CFAP43: variants seen among roughly 807,000 people sequenced by gnomAD.
CFAP43 encodes the protein cilia and flagella associated protein 43, also known as cilia- and flagella-associated protein 43.
In CFAP43, 155 loss-of-function variants were observed where a neutral mutation model predicts 218.9. That is an observed-to-expected ratio of 0.71 (90% CI 0.62 to 0.81). The LOEUF (loss-of-function observed/expected upper bound fraction) is 0.81, where lower values mean the gene tolerates loss of function less well. Ranked by LOEUF, CFAP43 falls within the 30% of genes least tolerant of loss-of-function variation. The pLI is 0.00. For missense variants in CFAP43, 1,778 were observed against 1,954.3 expected, an observed-to-expected ratio of 0.91 and a Z score of 1.70; for synonymous variants, 645 against 681.3, an observed-to-expected ratio of 0.95 and a Z score of 0.83.
intron 34 of CFAP43, among the ~76,000 whole-genome samples, chr10:104,138,451 G>A (rs2087549973): frequency 6.6e-6 from 1 of 152,006 alleles, no homozygotes; most frequent in Non-Finnish European, 1.5e-5. Flanking sequence ...TGAGGTGGGC[G>A]GATCACCTGA....
chr10:104,131,501 C>T lies in CFAP43; in HGVS notation c.4678-17G>A. On this transcript the variant is annotated splice_polypyrimidine_tract_variant and intron_variant, in intron 36 of 37. Coordinates refer to ENST00000357060, the MANE Select transcript of CFAP43 (RefSeq NM_025145.7). ...TTTGTGCATCTGAAATTTTTGTTCC[C>T]ATGACACCCCACAAAATTAATTTTG... 6.3e-7 allele frequency: 1 copy of T among 1,593,300 alleles called. No individual in the cohort carries two copies. The highest frequency in any genetic ancestry group is 8.5e-7 in the Non-Finnish European group (1 of 1,173,936).
At chr10:104,168,651 A>G in intron 21 of CFAP43, 93 bp downstream of exon 21, 1 of 1,024,652 alleles carries the variant, frequency 9.8e-7, no homozygotes. Context: ...GTGCTTTGCT[A>G]TGCCTGAATT....
intron 3 of CFAP43, among the ~76,000 whole-genome samples, chr10:104,214,908 C>T (rs185849529): frequency 1.1e-3 from 174 of 152,212 alleles, no homozygotes; most frequent in Non-Finnish European, 1.9e-3. Flanking sequence ...GAGGCCAAAG[C>T]GGGTGGATCA....
intron 5 of CFAP43, among the ~76,000 whole-genome samples, chr10:104,211,100 C>T (rs1249563727): frequency 3.9e-5 from 6 of 152,060 alleles, no homozygotes; most frequent in African/African-American, 1.4e-4. Flanking sequence ...GCCTCCTTGT[C>T]CTTCAAATCT....
At chr10:104,198,690 G>A (rs1329800650) in intron 8 of CFAP43, among the ~76,000 whole-genome samples, 1 of 151,404 alleles carries the variant, frequency 6.6e-6, no homozygotes, top group Non-Finnish European at 1.5e-5. Context: ...TCCCTCTGTC[G>A]CCCAGGCTGG....
rs555153609 is a variant in CFAP43 at position 104,134,761 on chromosome 10, C to T, written c.4432-977G>A. On this transcript the variant is annotated intron_variant, in intron 34 of 37. Coordinates refer to ENST00000357060, the MANE Select transcript of CFAP43 (RefSeq NM_025145.7). Reference sequence around the variant, plus strand: ...CAAAAACCTCCCAAAAAAGAAAAGCCCAGGACAAGAAGGCTTCACTGATGA... The same window carrying T: ...CAAAAACCTCCCAAAAAAGAAAAGCTCAGGACAAGAAGGCTTCACTGATGA... 5.3e-5 allele frequency among the ~76,000 whole-genome samples: 8 copies of T among 151,764 alleles called. No homozygotes were observed. In the South Asian group the frequency reaches 1.5e-3, roughly 28 times the overall value.
intron 19 of CFAP43, among the ~76,000 whole-genome samples, chr10:104,174,509 A>G (rs1391060312): frequency 6.6e-6 from 1 of 152,188 alleles, no homozygotes; most frequent in Non-Finnish European, 1.5e-5. Context: ...TCCACAACAC[A>G]TGGGAATTAT....
chr10:104,130,447 A>G (rs2087126210), intron 37 of CFAP43, 142 bp from the exon 38 acceptor site: 1 of 961,250 alleles, frequency 1.0e-6, no homozygotes, highest in East Asian at 2.7e-5. Context: ...CACTATCACA[A>G]AAGCAAAGAC....
rs374956831 is a variant in CFAP43, at chr10:104,167,688, G to C, written c.2741C>G (p.Thr914Arg). ...TTCCAATTCTTTCAGCTCTTCAACC[G>C]TGCGCGCTTTCATCGGGAAGTTTTC... Reference protein sequence around the residue: ...VVENFPMKARTVEELKELERV... With the variant: ...VVENFPMKARRVEELKELERV... Residue 914 changes from threonine to arginine, a missense_variant, in exon 22 of 38, where the codon ACG becomes AGG. By Grantham distance (71) the Thr-to-Arg change is moderately conservative. This residue lies in a region of CFAP43 where 1,553 missense variants were observed against 1,685.2 expected (regional missense o/e 0.92). Transcript: ENST00000357060. 1.2e-5 allele frequency: 20 copies of C among 1,610,928 alleles called. 2 individuals carry two copies. The South Asian group carries it at 2.2e-4, about 18-fold the overall frequency.
chr10:104,142,235 T>C lies in CFAP43; in HGVS notation c.4271+46A>G, dbSNP rs763539306. ...GTGATAACACAACCTGATTTAGCCC[T>C]AATTAGACTTTGAATAGGTGAACAT... On this transcript the variant is annotated intron_variant, in intron 33 of 37. Coordinates refer to ENST00000357060, the MANE Select transcript of CFAP43 (RefSeq NM_025145.7). 8 of 1,529,098 alleles carry C rather than the reference T, an allele frequency of 5.2e-6. No homozygotes were observed. The East Asian group carries it at 1.8e-4, about 35-fold the overall frequency. 94.7% of individuals were successfully genotyped at this position (1,529,098 alleles called of 1,614,324 possible).
chr10:104,172,132 A>C (rs969526041), intron 20 of CFAP43, among the ~76,000 whole-genome samples: 8 of 152,238 alleles, frequency 5.3e-5, no homozygotes, highest in African/African-American at 1.9e-4. Context: ...GTGGCTGAGA[A>C]GACTTCCAAC....
chr10:104,143,904 A>G (rs1291136280), intron 31 of CFAP43, among the ~76,000 whole-genome samples: 2 of 152,206 alleles, frequency 1.3e-5, no homozygotes, highest in African/African-American at 4.8e-5. Flanking sequence ...CTGTGCTAGG[A>G]CACATTTCCT....
At chr10:104,143,072 T>C (rs886785468) in intron 32 of CFAP43, among the ~76,000 whole-genome samples, 2 of 152,342 alleles carry the variant, frequency 1.3e-5, no homozygotes, top group Non-Finnish European at 2.9e-5. Flanking sequence ...ATAATCAATA[T>C]AAAAATATTA....
At chr10:104,223,458 TA>T (rs918183946) in intron 3 of CFAP43, among the ~76,000 whole-genome samples, 1 of 152,252 alleles carries the variant, frequency 6.6e-6, no homozygotes, top group African/African-American at 2.4e-5. Flanking sequence ...GTACCCATTT[TA>T]CAGAGGAAGA....
chr10:104,195,830 C>A (rs924067452), intron 10 of CFAP43, among the ~76,000 whole-genome samples: 7 of 152,178 alleles, frequency 4.6e-5, no homozygotes, highest in Non-Finnish European at 7.3e-5. Context: ...AACTCAGCAT[C>A]CATACGCCCT....
In CFAP43 at chr10:104,168,851, T is replaced by G; in HGVS notation, c.2587-3A>C. On this transcript the variant is annotated splice_region_variant and splice_polypyrimidine_tract_variant and intron_variant, in intron 20 of 37. Transcript: ENST00000357060. Reference sequence around the variant, plus strand: ...TGCATCTCTACATCCTTTATCATCTTGAAGAACACAGACAAAGGGAAAAGA... The same window carrying G: ...TGCATCTCTACATCCTTTATCATCTGGAAGAACACAGACAAAGGGAAAAGA... 1.2e-6 allele frequency: 2 copies of G among 1,602,810 alleles called. No homozygotes were observed. The highest frequency in any genetic ancestry group is 2.2e-5 in the South Asian group (2 of 90,838).
chr10:104,208,529 T>A (rs755693728), intron 5 of CFAP43, among the ~76,000 whole-genome samples: 8 of 152,166 alleles, frequency 5.3e-5, no homozygotes, highest in Non-Finnish European at 1.0e-4. Context: ...AATGTGAGTA[T>A]ATGGATTATG....
intron 27 of CFAP43, among the ~76,000 whole-genome samples, chr10:104,157,755 TGTGTGTGTGTGTGTGTGTGTGA>T (rs1276679530): frequency 4.1e-4 from 50 of 121,090 alleles, no homozygotes; most frequent in Non-Finnish European, 5.1e-4. Flanking sequence ...TGTGTGTGTG[TGTGTGTGTGTGTGTGTGTGTGA>T]GAGAGAGAGA....
At chr10:104,187,600 T>A in intron 13 of CFAP43, 108 bp from the exon 14 acceptor site, 1 of 959,068 alleles carries the variant, frequency 1.0e-6, no homozygotes. Flanking sequence ...AATGCTCAAC[T>A]AATATTGCGG....
Sources: allele counts gnomAD v4.1 joint callset (sites outside exome capture counted in the v4.1 genomes callset), GRCh38; gene constraint gnomAD v4.1.1; regional missense constraint gnomAD v4.1.1; transcripts MANE v1.5; gene names NCBI Gene and HGNC (gene_info 2026-07-23, HGNC 2026-07-21).